Variants in SLC4A8 observed in about 807,000 individuals in gnomAD.
SLC4A8 encodes electroneutral sodium bicarbonate exchanger 1.
A neutral mutation model predicts 125.0 loss-of-function variants in SLC4A8; 40 were observed. That is an observed-to-expected ratio of 0.32 (90% CI 0.25 to 0.42). The LOEUF is 0.42. SLC4A8 is among the 10% of genes least tolerant of loss of function. The pLI is 1.00. For missense variants in SLC4A8, 863 were observed against 1,355.1 expected, an observed-to-expected ratio of 0.64 and a Z score of 5.70; for synonymous variants, 456 against 476.0, an observed-to-expected ratio of 0.96 and a Z score of 0.55.
chr12:51,399,415 T>C (rs1948327818), intron 1 of SLC4A8, among the ~76,000 whole-genome samples: 1 of 152,234 alleles, frequency 6.6e-6, no homozygotes, highest in South Asian at 2.1e-4. Context: ...AGAAACATAG[T>C]TCAGAGGAGT....
chr12:51,395,437 G>T (rs1948239926), intron 1 of SLC4A8, among the ~76,000 whole-genome samples: 1 of 152,134 alleles, frequency 6.6e-6, no homozygotes, highest in African/African-American at 2.4e-5. Flanking sequence ...TGCATCAAGG[G>T]TGTTCCCCAC....
intron 1 of SLC4A8, among the ~76,000 whole-genome samples, chr12:51,401,341 G>C (rs1486937553): frequency 6.6e-6 from 1 of 152,170 alleles, no homozygotes; most frequent in Non-Finnish European, 1.5e-5. Context: ...TGGAGAATGA[G>C]TGCAAGGTTT....
intron 1 of SLC4A8, among the ~76,000 whole-genome samples, chr12:51,413,424 T>A (rs1421951335): frequency 1.3e-5 from 2 of 152,232 alleles, no homozygotes; most frequent in African/African-American, 2.4e-5. Flanking sequence ...TTTAATATAG[T>A]CCCATTTGTC....
At chr12:51,422,714 C>A (rs1948818887), upstream of SLC4A8, among the ~76,000 whole-genome samples, 1 of 152,184 alleles carries the variant, frequency 6.6e-6, no homozygotes, top group Non-Finnish European at 1.5e-5. Flanking sequence ...CAATAACTTT[C>A]TGCTTTGGCC....
intron 2 of SLC4A8, chr12:51,441,169 T>C: frequency 1.0e-6 from 1 of 986,426 alleles, no homozygotes; most frequent in Non-Finnish European, 1.2e-6. Context: ...ACAAATAGTT[T>C]TAAAAACTCA....
At chr12:51,399,938 C>A (rs898945099) in intron 1 of SLC4A8, among the ~76,000 whole-genome samples, 1 of 150,550 alleles carries the variant, frequency 6.6e-6, no homozygotes, top group South Asian at 2.1e-4. Flanking sequence ...GCTGAGATTG[C>A]GTGACTGCAC....
chr12:51,426,941 CTTTTTTT>C (rs555144134), intron 1 of SLC4A8, among the ~76,000 whole-genome samples: 2 of 131,354 alleles, frequency 1.5e-5, no homozygotes, highest in African/African-American at 2.9e-5. Flanking sequence ...TTTTTCTTTT[CTTTTTTT>C]TTTTTTTTGA....
At chr12:51,397,343 T>C (rs1948284067) in intron 1 of SLC4A8, among the ~76,000 whole-genome samples, 1 of 152,230 alleles carries the variant, frequency 6.6e-6, no homozygotes, top group African/African-American at 2.4e-5. Flanking sequence ...TTTGAAAATA[T>C]GACTAATGAG....
Position 51,511,287 on chromosome 12 carries a change from AG to A in SLC4A8, c.*3852del, listed in dbSNP as rs1209956833. 6.6e-6 allele frequency: 1 copy of A among 152,262 alleles called. No individual in the cohort carries two copies. Among genetic ancestry groups the A allele is most frequent in the African/African-American group, 2.4e-5 (1 of 41,464 alleles). 9.4% of individuals were successfully genotyped at this position (152,262 alleles called of 1,614,324 possible). On this transcript the variant is annotated 3_prime_UTR_variant, in exon 25 of 25. Coordinates refer to ENST00000453097, the MANE Select transcript of SLC4A8 (RefSeq NM_001039960.3). ...TCTGGATGGCAAATTGCCTTCACGT[AG>A]GGAAACCACATGGGACTGATAGCTT...
chr12:51,476,848 A>G (rs1269373219), intron 16 of SLC4A8, among the ~76,000 whole-genome samples: 3 of 151,730 alleles, frequency 2.0e-5, no homozygotes, highest in Admixed American at 6.6e-5. Context: ...CATTGCACAC[A>G]ATAATTTCTG....
At position 51,475,110 on chromosome 12, in the gene SLC4A8, TG is replaced by T. The variant is rs1344809928; in HGVS notation, c.2077del (p.Asp693MetfsTer20). 6.2e-7 allele frequency: 1 copy of T among 1,614,078 alleles called. No homozygotes were observed. The highest frequency in any genetic ancestry group is 8.5e-7 in the Non-Finnish European group (1 of 1,179,890). Reference protein sequence around the residue: ...ACGHHGPYTPDVLFWSCILFF... With the variant: ...ACGHHGPYTPXVLFWSCILFF... ...GCGGCCATCATGGACCCTACACTCC[TG>T]ATGTCCTCTTTTGGTCCTGTATTCT... is the stretch of plus-strand genomic sequence containing the variant. On this transcript the variant is annotated frameshift_variant, in exon 16 of 25. Coordinates refer to ENST00000453097, the MANE Select transcript of SLC4A8 (RefSeq NM_001039960.3). LOFTEE classifies it high-confidence loss of function.
rs1411934301 is a variant in SLC4A8, at chr12:51,508,178, C to T, written c.*740C>T. 6.6e-6 allele frequency: 1 copy of T among 152,204 alleles called. No homozygotes were observed. Among genetic ancestry groups the T allele is most frequent in the East Asian group, 1.9e-4 (1 of 5,178 alleles). The allele number at this position is 152,204 out of a possible 1,614,324, so 9.4% of individuals were successfully genotyped here. A position where few individuals can be genotyped will look rare whatever the true frequency, so the allele number is the denominator to read the frequency against. On this transcript the variant is annotated 3_prime_UTR_variant, in exon 25 of 25. Transcript: ENST00000453097. ...GTGTCGCTTAGATAGGAAAGGGATC[C>T]AGGGAAAATCAACAGTAAGTGAGGA...
At chr12:51,417,520 T>G (rs896409267) in intron 1 of SLC4A8, among the ~76,000 whole-genome samples, 1 of 150,388 alleles carries the variant, frequency 6.6e-6, no homozygotes, top group Non-Finnish European at 1.5e-5. Flanking sequence ...CTAATTTTTG[T>G]ATTTTTTTTT....
intron 17 of SLC4A8, 45 bp downstream of exon 17, chr12:51,485,945 C>T (rs766453896): frequency 1.8e-6 from 2 of 1,081,186 alleles, no homozygotes; most frequent in East Asian, 2.4e-5. Context: ...TAATTTCATA[C>T]ATTCTGATGC....
At chr12:51,499,624 T>TACACACACACACAC (rs143239328) in intron 22 of SLC4A8, among the ~76,000 whole-genome samples, 3,318 of 143,292 alleles carry the variant, frequency 0.023, 60 homozygotes, top group Non-Finnish European at 0.033. Flanking sequence ...GCTATAATTC[T>TACACACACACACAC]ACACACACAC....
At chr12:51,400,802 ATATATAAACATATATGTTTATATACG>A (rs1409936486) in intron 1 of SLC4A8, among the ~76,000 whole-genome samples, 1,018 of 84,570 alleles carry the variant, frequency 0.012, 16 homozygotes, top group Non-Finnish European at 0.016. Context: ...ACACACACAC[ATATATAAACATATATGTTTATATACG>A]TATATAAACA....
rs541814848 is a variant in SLC4A8, at chr12:51,395,353, C to T, written c.-112+3865C>T. 7.9e-5 allele frequency among the ~76,000 whole-genome samples: 12 copies of T among 151,400 alleles called. 1 individual carries two copies. Among genetic ancestry groups the T allele is most frequent in the African/African-American group, 1.7e-4 (7 of 41,240 alleles). ...ATGAATTTCTTTTTTTTTTTTCTCA[C>T]GATCTTATTTTTATTTCTTGGCTGT... On this transcript the variant is annotated intron_variant, in intron 1 of 24. Coordinates refer to the SLC4A8 transcript ENST00000358657.
At chr12:51,431,380 G>A (rs904164211) in intron 1 of SLC4A8, among the ~76,000 whole-genome samples, 1 of 152,224 alleles carries the variant, frequency 6.6e-6, no homozygotes, top group Non-Finnish European at 1.5e-5. Flanking sequence ...ATTAGGATGT[G>A]CATCTCTTTA....
intron 22 of SLC4A8, among the ~76,000 whole-genome samples, chr12:51,502,942 C>T (rs946870093): frequency 1.4e-4 from 21 of 150,882 alleles, no homozygotes; most frequent in African/African-American, 4.9e-4. Context: ...CCCAGGTTCA[C>T]GCCATTCTCC....
Sources: allele counts gnomAD v4.1 joint callset (sites outside exome capture counted in the v4.1 genomes callset), GRCh38; gene constraint gnomAD v4.1.1; transcripts MANE v1.5; gene names NCBI Gene and HGNC (gene_info 2026-07-23, HGNC 2026-07-21).